Variants in TAF3 observed in about 807,000 individuals in gnomAD.
TAF3 encodes the protein TATA-box binding protein associated factor 3.
In TAF3, 7 loss-of-function variants were observed where a neutral mutation model predicts 80.6. The observed-to-expected ratio is 0.09, with a 90% CI of 0.05 to 0.16. The LOEUF (loss-of-function observed/expected upper bound fraction) is 0.16, where lower values mean the gene tolerates loss of function less well. Among genes scored for constraint, TAF3 ranks in the 10% least tolerant of loss-of-function variants. TAF3 has a pLI of 1.00. For missense variants in TAF3, 921 were observed against 1,140.2 expected (o/e 0.81, Z 2.77); for synonymous variants, 444 against 446.1 (o/e 1.00, Z 0.06).
chr10:7,890,103 G>A (rs935483803), intron 2 of TAF3, among the ~76,000 whole-genome samples: 5 of 152,120 alleles, frequency 3.3e-5, no homozygotes, highest in African/African-American at 1.2e-4. Context: ...TCATGAACCG[G>A]CTTCTGCCCA....
intron 2 of TAF3, among the ~76,000 whole-genome samples, chr10:7,857,467 C>T (rs567522040): frequency 4.6e-5 from 7 of 152,218 alleles, no homozygotes; most frequent in African/African-American, 1.7e-4. Context: ...CCATGGGTAC[C>T]CCCAGAGAGG....
At chr10:7,829,728 G>T (rs1836779784) in intron 2 of TAF3, among the ~76,000 whole-genome samples, 1 of 152,136 alleles carries the variant, frequency 6.6e-6, no homozygotes, top group South Asian at 2.1e-4. Context: ...TTTCTTCACA[G>T]TAAAGTTTCT....
Position 8,009,648 on chromosome 10 carries a change from T to TA in TAF3, c.2568+318_2568+319insA, listed in dbSNP as rs1832033969. Among the ~76,000 whole-genome samples, 1 of 150,526 alleles carries TA rather than the reference T, an allele frequency of 6.6e-6. No individual in the cohort carries two copies. The highest frequency in any genetic ancestry group is 2.1e-4 in the South Asian group (1 of 4,760). ...TTTCTTTTTTTTTTTTGAGACAGAG[T>TA]TTCGCTCTTATTGCCCAACCTGGAA... is the stretch of plus-strand genomic sequence containing the variant. On this transcript the variant is annotated intron_variant, in intron 5 of 6. Transcript: ENST00000344293. The surrounding 1 kb of genome is among the most constrained non-coding windows in gnomAD (Gnocchi z 4.1).
chr10:7,937,335 T>C (rs1009091846), intron 2 of TAF3, among the ~76,000 whole-genome samples: 1 of 152,248 alleles, frequency 6.6e-6, no homozygotes, highest in African/African-American at 2.4e-5. Context: ...TCTGCATTCT[T>C]TCCAGGATTT....
intron 2 of TAF3, among the ~76,000 whole-genome samples, chr10:7,901,455 T>G (rs1264687335): frequency 6.6e-6 from 1 of 152,270 alleles, no homozygotes; most frequent in African/African-American, 2.4e-5. Context: ...TTTTTAGTGC[T>G]TGCTATTTAA....
intron 4 of TAF3, among the ~76,000 whole-genome samples, chr10:7,984,965 CG>C (rs1488241036): frequency 6.6e-6 from 1 of 152,170 alleles, no homozygotes; most frequent in Non-Finnish European, 1.5e-5. Context: ...GAACATGGAA[CG>C]TTTCAATCCT....
At chr10:7,961,478 A>G (rs944495098) in intron 2 of TAF3, among the ~76,000 whole-genome samples, 3 of 152,212 alleles carry the variant, frequency 2.0e-5, no homozygotes, top group African/African-American at 7.2e-5. Context: ...TGCCTTCTGC[A>G]TAAAACTCTT....
chr10:7,835,387 T>A (rs1836842178), intron 2 of TAF3, among the ~76,000 whole-genome samples: 1 of 152,228 alleles, frequency 6.6e-6, no homozygotes. Context: ...CAGTGCTCCC[T>A]CTTCTATCGT....
chr10:7,995,918 C>G (rs190777743), intron 4 of TAF3, among the ~76,000 whole-genome samples: 39 of 152,108 alleles, frequency 2.6e-4, no homozygotes, highest in Admixed American at 8.5e-4. Context: ...TCATAATTGT[C>G]TTTGGGTATT....
chr10:7,976,393 C>T lies in TAF3; in HGVS notation c.2233-848C>T, dbSNP rs551325268. Among the ~76,000 whole-genome samples the T allele has an allele frequency of 4.6e-5, 7 of 151,652 alleles. No homozygotes were observed. In the South Asian group the frequency reaches 1.0e-3, roughly 23 times the overall value. ...TCTTGAGTAGATGGGACTACAGGCACCCGCCACCATGACTGGCTAATTTTT... is the reference window on the plus strand; with the variant it reads ...TCTTGAGTAGATGGGACTACAGGCATCCGCCACCATGACTGGCTAATTTTT... On this transcript the variant is annotated intron_variant, in intron 3 of 6. Coordinates refer to ENST00000344293, the MANE Select transcript of TAF3 (RefSeq NM_031923.4).
chr10:7,959,410 A>G (rs530891242), intron 2 of TAF3, among the ~76,000 whole-genome samples: 1 of 152,344 alleles, frequency 6.6e-6, no homozygotes, highest in Non-Finnish European at 1.5e-5. Context: ...CCTTTAAATA[A>G]CATAAAGGAA....
intron 2 of TAF3, among the ~76,000 whole-genome samples, chr10:7,951,117 G>T (rs776647063): frequency 1.6e-4 from 25 of 152,192 alleles, no homozygotes; most frequent in Non-Finnish European, 3.1e-4. Flanking sequence ...GAACCTAACC[G>T]TGTATTTCTC....
In TAF3 at chr10:7,977,274, C is replaced by T; in HGVS notation, c.2266C>T (p.Pro756Ser). 6.2e-7 allele frequency: 1 copy of T among 1,614,170 alleles called. No individual in the cohort carries two copies. The highest frequency in any genetic ancestry group is 2.2e-5 in the East Asian group (1 of 44,876). ...GGAACCAGTCGCTCTGGCCCCGAGT[C>T]CAGTTATCCCCAGATTAACTCTCCG... ...KVEPVALAPS[P>S]VIPRLTLRVG... is the part of the protein sequence containing the mutation. Residue 756 changes from proline to serine, a missense_variant, in exon 4 of 7, where the codon CCA (proline) becomes TCA (serine). By Grantham distance (74) the Pro-to-Ser change is moderately conservative. Transcript: ENST00000344293.
intron 2 of TAF3, among the ~76,000 whole-genome samples, chr10:7,944,948 A>T (rs1323333773): frequency 6.6e-6 from 1 of 152,260 alleles, no homozygotes; most frequent in African/African-American, 2.4e-5. Context: ...TTACATTAGA[A>T]TAAAGATTTG....
chr10:7,967,167 C>T (rs1264819578), intron 3 of TAF3, among the ~76,000 whole-genome samples: 1 of 152,176 alleles, frequency 6.6e-6, no homozygotes, highest in Admixed American at 6.5e-5. Flanking sequence ...AGTTACACTG[C>T]AGAGAGACTT....
Position 7,925,040 on chromosome 10 carries a change from C to T in TAF3, c.410-38880C>T, listed in dbSNP as rs1412956780. On this transcript the variant is annotated intron_variant, in intron 2 of 6. Transcript: ENST00000344293. ...AAACTATATAAATAATTTTTTAATT[C>T]ACTTTTTCAAATGTGTAGGGTACCA... is the stretch of plus-strand genomic sequence containing the variant. 2.0e-5 allele frequency among the ~76,000 whole-genome samples: 3 copies of T among 152,226 alleles called. No homozygotes were observed. In the East Asian group the frequency reaches 5.8e-4, roughly 29 times the overall value.
intron 2 of TAF3, among the ~76,000 whole-genome samples, chr10:7,880,905 C>T (rs938534241): frequency 6.6e-6 from 1 of 152,114 alleles, no homozygotes; most frequent in Non-Finnish European, 1.5e-5. Flanking sequence ...TTTAGAGGAA[C>T]AAACAGAAAT....
chr10:7,892,083 T>TA, intron 2 of TAF3, among the ~76,000 whole-genome samples: 1 of 152,360 alleles, frequency 6.6e-6, no homozygotes, highest in East Asian at 1.9e-4. Context: ...ATTTATTAAA[T>TA]ATTTATTGAG....
At chr10:7,843,390 T>C (rs1836938362) in intron 2 of TAF3, among the ~76,000 whole-genome samples, 1 of 152,136 alleles carries the variant, frequency 6.6e-6, no homozygotes, top group Non-Finnish European at 1.5e-5. Flanking sequence ...ATAACAGGCA[T>C]GAGCCACCGT....
Sources: allele counts gnomAD v4.1 joint callset (sites outside exome capture counted in the v4.1 genomes callset), GRCh38; gene constraint gnomAD v4.1.1; non-coding constraint Gnocchi (gnomAD v3.1); transcripts MANE v1.5; gene names NCBI Gene and HGNC (gene_info 2026-07-23, HGNC 2026-07-21).